TRPM3: variants seen among roughly 807,000 people sequenced by gnomAD.
TRPM3 encodes long transient receptor potential channel 3.
Under a neutral mutation model 181.2 loss-of-function variants are expected in TRPM3, and 77 were observed. The ratio of observed to expected loss-of-function variants is 0.42; its 90% confidence interval spans 0.35 to 0.51. The LOEUF (loss-of-function observed/expected upper bound fraction) is 0.51. TRPM3 is among the 20% of genes least tolerant of loss of function. The pLI is 0.01. For synonymous variants in TRPM3, 745 were observed against 796.4 expected (o/e 0.94, Z 1.09); for missense variants, 1,759 against 2,196.7 (o/e 0.80, Z 3.98).
At chr9:70,983,659 C>A (rs1406391902) in intron 1 of TRPM3, among the ~76,000 whole-genome samples, 1 of 152,102 alleles carries the variant, frequency 6.6e-6, no homozygotes, top group Non-Finnish European at 1.5e-5. Flanking sequence ...TTAGAGGTAG[C>A]CTGATTACAG....
chr9:71,211,386 G>A (rs887065434), intron 1 of TRPM3, among the ~76,000 whole-genome samples: 2 of 149,422 alleles, frequency 1.3e-5, no homozygotes, highest in Non-Finnish European at 3.0e-5. Context: ...AATAGGAAGA[G>A]TAGTAACTTT....
chr9:71,241,777 C>CA (rs1565376298), intron 1 of TRPM3, among the ~76,000 whole-genome samples: 2 of 151,686 alleles, frequency 1.3e-5, no homozygotes, highest in Non-Finnish European at 2.9e-5. Flanking sequence ...ACTCATCCTG[C>CA]AAAAAAAATC....
chr9:71,335,894 T>A (rs750086282), intron 1 of TRPM3, among the ~76,000 whole-genome samples: 44 of 152,104 alleles, frequency 2.9e-4, no homozygotes, highest in Non-Finnish European at 1.0e-4. Flanking sequence ...ATGAACAGCA[T>A]GAGCAGCAGA....
At chr9:70,628,249 A>G (rs979744171) in intron 12 of TRPM3, among the ~76,000 whole-genome samples, 3 of 152,158 alleles carry the variant, frequency 2.0e-5, no homozygotes, top group Admixed American at 6.5e-5. Flanking sequence ...TGACCGCCCG[A>G]GGATGCCCAC....
At chr9:71,004,208 G>C (rs1390637075) in intron 1 of TRPM3, among the ~76,000 whole-genome samples, 1 of 152,156 alleles carries the variant, frequency 6.6e-6, no homozygotes, top group African/African-American at 2.4e-5. Flanking sequence ...GCTGCAAGGG[G>C]GCACAATCCA....
At chr9:71,298,425 C>T (rs889974486) in intron 1 of TRPM3, among the ~76,000 whole-genome samples, 1 of 151,514 alleles carries the variant, frequency 6.6e-6, no homozygotes, top group East Asian at 1.9e-4. Flanking sequence ...AAATCTGATT[C>T]CCCAAATTAT....
chr9:71,024,263 A>G (rs494201), intron 1 of TRPM3, among the ~76,000 whole-genome samples: 45,950 of 152,094 alleles, frequency 0.3, 7,143 homozygotes, highest in African/African-American at 0.34. Context: ...GTGTATGTAT[A>G]TACACCTAGG....
intron 1 of TRPM3, among the ~76,000 whole-genome samples, chr9:71,006,155 CCG>C (rs1409766844): frequency 6.6e-6 from 1 of 151,964 alleles, no homozygotes; most frequent in Non-Finnish European, 1.5e-5. Context: ...ATAGTTAGCC[CCG>C]CGTGTTGCCA....
At chr9:71,208,146 C>A (rs1371399317) in intron 1 of TRPM3, among the ~76,000 whole-genome samples, 1 of 152,014 alleles carries the variant, frequency 6.6e-6, no homozygotes, top group East Asian at 1.9e-4. Flanking sequence ...AGGTGTTTTG[C>A]CAAAGAACAG....
At chr9:70,863,450 C>CTAT (rs750843643) in intron 2 of TRPM3, among the ~76,000 whole-genome samples, 8 of 152,100 alleles carry the variant, frequency 5.3e-5, no homozygotes, top group Non-Finnish European at 1.0e-4. Context: ...CTCACTCAGC[C>CTAT]CATCTATCAA....
intron 21 of TRPM3, among the ~76,000 whole-genome samples, chr9:70,592,448 G>A (rs1036020324): frequency 1.3e-5 from 2 of 152,200 alleles, no homozygotes; most frequent in Non-Finnish European, 2.9e-5. Context: ...AAATGAAGCC[G>A]ATTTGCAAGA....
intron 1 of TRPM3, among the ~76,000 whole-genome samples, chr9:71,067,357 C>T (rs934028042): frequency 2.6e-5 from 4 of 152,070 alleles, no homozygotes; most frequent in Non-Finnish European, 5.9e-5. Context: ...AGTATATAAC[C>T]ATCTAGTCTT....
At chr9:70,552,268 C>A (rs764591066) in intron 24 of TRPM3, among the ~76,000 whole-genome samples, 3 of 152,154 alleles carry the variant, frequency 2.0e-5, no homozygotes, top group African/African-American at 2.4e-5. Flanking sequence ...CAATCCTACA[C>A]AACAAGGAAT....
At chr9:71,187,866 T>A (rs2077766415) in intron 1 of TRPM3, among the ~76,000 whole-genome samples, 1 of 151,228 alleles carries the variant, frequency 6.6e-6, no homozygotes, top group African/African-American at 2.4e-5. Flanking sequence ...TGAACATATC[T>A]TCAAGACAGA....
chr9:70,639,622 G>C (rs775231408), intron 10 of TRPM3, among the ~76,000 whole-genome samples: 13 of 152,290 alleles, frequency 8.5e-5, no homozygotes, highest in Non-Finnish European at 1.9e-4. Context: ...AGGGACCCAA[G>C]TCAACAGACC....
chr9:70,746,308 A>G (rs1234735624), intron 8 of TRPM3, among the ~76,000 whole-genome samples: 3 of 152,082 alleles, frequency 2.0e-5, no homozygotes, highest in African/African-American at 7.2e-5. Context: ...CTTATTTAAA[A>G]ATCATGCTTG....
chr9:70,603,379 G>T lies in TRPM3; in HGVS notation c.2759C>A (p.Ser920Tyr). Residue 920 changes from serine (S) to tyrosine (Y), a missense_variant, in exon 20 of 26, where the codon TCC (serine) becomes TAC (tyrosine). Around this residue, in one of 8 missense-constraint regions of TRPM3, gnomAD observed 100 missense variants for 123.0 expected, o/e 0.81. Transcript: ENST00000677713. ...TTCTATTCCCAGGGTGAAAATATAG[G>T]AGATTACGATCCATTCCTGGGTGGA... ...WPSTQEWIVISYIFTLGIEKM... is the reference protein window; with the variant it reads ...WPSTQEWIVIYYIFTLGIEKM... 1 of 1,613,954 alleles carries T rather than the reference G, an allele frequency of 6.2e-7. No individual in the cohort carries two copies. Among genetic ancestry groups the T allele is most frequent in the Non-Finnish European group, 8.5e-7 (1 of 1,179,954 alleles).
At chr9:71,186,301 A>G (rs962733427) in intron 1 of TRPM3, among the ~76,000 whole-genome samples, 2 of 152,058 alleles carry the variant, frequency 1.3e-5, no homozygotes, top group Admixed American at 1.3e-4. Flanking sequence ...TTTAGTCCCT[A>G]GGTTATTTAC....
chr9:70,598,412 T>A lies in TRPM3; in HGVS notation c.3048+7A>T, dbSNP rs747768690. 1 of 1,611,792 alleles carries A rather than the reference T, an allele frequency of 6.2e-7. No homozygotes were observed. Among genetic ancestry groups the A allele is most frequent in the South Asian group, 1.1e-5 (1 of 91,020 alleles). On this transcript the variant is annotated splice_region_variant and intron_variant, in intron 21 of 25. Transcript: ENST00000677713. Reference sequence around the variant, plus strand: ...CTTATAACATGGAATCAGAAGACCCTGCTTACCATTTTTCCAATCATCATT... The same window carrying A: ...CTTATAACATGGAATCAGAAGACCCAGCTTACCATTTTTCCAATCATCATT...
Sources: allele counts gnomAD v4.1 joint callset (sites outside exome capture counted in the v4.1 genomes callset), GRCh38; gene constraint gnomAD v4.1.1; regional missense constraint gnomAD v4.1.1; transcripts MANE v1.5; gene names NCBI Gene and HGNC (gene_info 2026-07-23, HGNC 2026-07-21).